PEAK1: variants seen among roughly 807,000 people sequenced by gnomAD.
The protein encoded by PEAK1 is pseudopodium enriched atypical kinase 1, also known as inactive tyrosine-protein kinase PEAK1.
Under a neutral mutation model 124.7 loss-of-function variants are expected in PEAK1, and 54 were observed. The ratio of observed to expected loss-of-function variants is 0.43; its 90% CI spans 0.35 to 0.54. The LOEUF (loss-of-function observed/expected upper bound fraction) is 0.54, where lower values mean the gene tolerates loss of function less well. PEAK1 is among the 20% of genes least tolerant of loss of function. The probability of loss-of-function intolerance (pLI) is 0.01; values close to 1 mark genes in which losing one functional copy is unlikely to be tolerated. For missense variants in PEAK1, 2,046 were observed against 2,134.5 expected (o/e 0.96, Z 0.82); for synonymous variants, 719 against 760.0 (o/e 0.95, Z 0.89).
intron 2 of PEAK1, among the ~76,000 whole-genome samples, chr15:77,358,719 C>T (rs909995414): frequency 1.3e-5 from 2 of 152,184 alleles, no homozygotes; most frequent in Non-Finnish European, 2.9e-5. Flanking sequence ...GCAGTGATAG[C>T]TTAGCAATCA....
In PEAK1 at chr15:77,115,385, G is replaced by T. The variant is rs757509517; in HGVS notation, c.4078-66C>A. ...ACCAGGTTTATGATGTATCAGGGAA[G>T]ATTAACTGGAAGGTGACTGGTTAGG... On this transcript the variant is annotated intron_variant, in intron 9 of 9. Coordinates refer to ENST00000682557, the MANE Select transcript of PEAK1 (RefSeq NM_001385026.1). The T allele has an allele frequency of 1.3e-5, 18 of 1,419,912 alleles. 1 individual carries two copies. Among genetic ancestry groups the T allele is most frequent in the Non-Finnish European group, 1.6e-5 (17 of 1,037,494 alleles). 88.0% of individuals were successfully genotyped at this position (1,419,912 alleles called of 1,614,324 possible). A position where few individuals can be genotyped will look rare whatever the true frequency, so the allele number is the denominator to read the frequency against.
chr15:77,368,976 T>C (rs1567316357), intron 1 of PEAK1, among the ~76,000 whole-genome samples: 3 of 152,080 alleles, frequency 2.0e-5, no homozygotes, highest in Non-Finnish European at 4.4e-5. Context: ...TGTTTAATTA[T>C]AACTATACAA....
intron 1 of PEAK1, among the ~76,000 whole-genome samples, chr15:77,392,010 A>G (rs908203209): frequency 4.6e-5 from 7 of 152,216 alleles, no homozygotes; most frequent in Non-Finnish European, 1.0e-4. Flanking sequence ...AATTAACACC[A>G]AAGTGCAAAA....
chr15:77,209,835 C>T (rs969497076), intron 6 of PEAK1, among the ~76,000 whole-genome samples: 3 of 152,296 alleles, frequency 2.0e-5, no homozygotes, highest in African/African-American at 7.2e-5. Flanking sequence ...TGCAGACCTG[C>T]CAAAACCTTG....
intron 3 of PEAK1, among the ~76,000 whole-genome samples, chr15:77,285,628 T>C (rs1379787713): frequency 1.3e-5 from 2 of 152,242 alleles, no homozygotes; most frequent in Admixed American, 6.5e-5. Flanking sequence ...AAACTTTCCA[T>C]GTTAAAATGA....
rs1291682382 is a variant in PEAK1 at position 77,113,492 on chromosome 15, G to C, written c.*664C>G. On this transcript the variant is annotated 3_prime_UTR_variant, in exon 10 of 10. Transcript: ENST00000682557. ...AGAATCAGGCAGTGGCAGCAGAGGG[G>C]AGACTATTAGGGCTGTCCTCCATGC... The C allele has an allele frequency of 6.6e-6, 1 of 152,552 alleles. No homozygotes were observed. The highest frequency in any genetic ancestry group is 1.5e-5 in the Non-Finnish European group (1 of 68,304). 9.4% of individuals were successfully genotyped at this position (152,552 alleles called of 1,614,324 possible). A position where few individuals can be genotyped will look rare whatever the true frequency, so the allele number is the denominator to read the frequency against.
At chr15:77,189,047 A>G (rs2057694358) in intron 6 of PEAK1, among the ~76,000 whole-genome samples, 1 of 152,054 alleles carries the variant, frequency 6.6e-6, no homozygotes, top group Non-Finnish European at 1.5e-5. Context: ...CTAAAAATAC[A>G]AAAATTAGCC....
At chr15:77,205,536 C>T (rs1046745322) in intron 6 of PEAK1, among the ~76,000 whole-genome samples, 25 of 152,052 alleles carry the variant, frequency 1.6e-4, no homozygotes, top group African/African-American at 5.6e-4. Flanking sequence ...AGAATTGATT[C>T]CTAAAGAAAA....
At chr15:77,381,980 A>G (rs2069521893) in intron 1 of PEAK1, among the ~76,000 whole-genome samples, 1 of 152,246 alleles carries the variant, frequency 6.6e-6, no homozygotes, top group African/African-American at 2.4e-5. Flanking sequence ...GATAACCTTC[A>G]TATTTTCTCT....
At chr15:77,303,757 C>T (rs565157307) in intron 2 of PEAK1, among the ~76,000 whole-genome samples, 1 of 152,258 alleles carries the variant, frequency 6.6e-6, no homozygotes, top group Admixed American at 6.5e-5. Context: ...TCACAACTTA[C>T]CAATATTTTT....
At chr15:77,386,486 T>C (rs1489998649) in intron 1 of PEAK1, among the ~76,000 whole-genome samples, 2 of 152,112 alleles carry the variant, frequency 1.3e-5, no homozygotes, top group Non-Finnish European at 2.9e-5. Flanking sequence ...GTCACTTAAT[T>C]ACAATCAGAG....
chr15:77,185,310 TCTG>T (rs142626707), intron 6 of PEAK1, among the ~76,000 whole-genome samples: 3,351 of 152,262 alleles, frequency 0.022, 99 homozygotes, highest in African/African-American at 0.07. Flanking sequence ...GTGGTTCTCC[TCTG>T]CTTAGGAATT....
chr15:77,192,978 C>T (rs2057917137), intron 6 of PEAK1, among the ~76,000 whole-genome samples: 2 of 152,292 alleles, frequency 1.3e-5, no homozygotes, highest in Admixed American at 1.3e-4. Flanking sequence ...TACGCACAGA[C>T]ACACAGACAT....
intron 2 of PEAK1, chr15:77,350,941 C>T (rs1265034631): frequency 2.0e-6 from 2 of 985,178 alleles, no homozygotes; most frequent in Non-Finnish European, 1.2e-6. Context: ...ACATGTAAAG[C>T]ACTCCATTAA....
chr15:77,338,212 A>G (rs544993963), intron 2 of PEAK1: 1 of 697,856 alleles, frequency 1.4e-6, no homozygotes, highest in African/African-American at 1.9e-5. Flanking sequence ...TTCAGATTTA[A>G]TTTAGGCCAC....
intron 7 of PEAK1, among the ~76,000 whole-genome samples, chr15:77,161,452 A>T (rs540440711): frequency 6.6e-6 from 1 of 152,376 alleles, no homozygotes; most frequent in South Asian, 2.1e-4. Context: ...ATTTTAAATA[A>T]GTGCACTGGT....
chr15:77,199,028 A>C (rs1195203501), intron 6 of PEAK1, among the ~76,000 whole-genome samples: 1 of 152,206 alleles, frequency 6.6e-6, no homozygotes, highest in Non-Finnish European at 1.5e-5. Context: ...GATTTAAGGC[A>C]GGAAGGGATA....
chr15:77,182,169 C>T (rs2057307941), intron 6 of PEAK1, 129 bp from the exon 7 acceptor site: 2 of 820,116 alleles, frequency 2.4e-6, no homozygotes, highest in Non-Finnish European at 3.2e-6. Flanking sequence ...GAGAGCTAAA[C>T]TAATTTGTGT....
At chr15:77,233,960 G>C (rs80282445) in intron 6 of PEAK1, among the ~76,000 whole-genome samples, 2 of 152,014 alleles carry the variant, frequency 1.3e-5, no homozygotes, top group South Asian at 4.2e-4. Flanking sequence ...CAAATTGCTG[G>C]GCTCGAGTGA....
Sources: gnomAD v4.1 joint callset for allele counts (sites outside exome capture counted in the v4.1 genomes callset) on GRCh38, gnomAD v4.1.1 for gene constraint, MANE v1.5 for transcripts, NCBI Gene and HGNC (gene_info 2026-07-23, HGNC 2026-07-21) for gene names.